Variants in DHX35 observed in about 807,000 individuals in gnomAD.
DHX35 encodes the protein probable ATP-dependent RNA helicase DHX35.
DHX35 carries 84 observed loss-of-function variants against 99.6 expected under a neutral mutation model. The observed-to-expected ratio is 0.84, with a 90% confidence interval of 0.71 to 1.01. The LOEUF is 1.01. Among genes scored for constraint, DHX35 ranks in the 50% least tolerant of loss-of-function variants. The pLI is 0.00. For synonymous variants in DHX35, 331 were observed against 316.2 expected, an observed-to-expected ratio of 1.05 and a Z score of -0.50; for missense variants, 852 against 888.5, an observed-to-expected ratio of 0.96 and a Z score of 0.52.
intron 3 of DHX35, chr20:38,977,732 A>T: frequency 2.5e-6 from 1 of 404,106 alleles, no homozygotes; most frequent in Middle Eastern, 8.0e-4. Context: ...TTTTTGCTTT[A>T]GTGTTTTCTA....
At chr20:38,968,971 TA>T in intron 1 of DHX35, 109 bp from the exon 2 acceptor site, 1 of 1,280,508 alleles carries the variant, frequency 7.8e-7, no homozygotes, top group Non-Finnish European at 1.0e-6. Context: ...TAGTTTGAGA[TA>T]AAAAGTATTG....
At chr20:38,976,790 GTTCTA>G (rs2145846161) in intron 3 of DHX35, among the ~76,000 whole-genome samples, 1 of 152,210 alleles carries the variant, frequency 6.6e-6, no homozygotes, top group South Asian at 2.1e-4. Context: ...AGTATCCACT[GTTCTA>G]TTCTCTACTT....
At chr20:38,969,015 A>G (rs2085952438) in intron 1 of DHX35, 66 bp from the exon 2 acceptor site, 2 of 1,483,420 alleles carry the variant, frequency 1.3e-6, no homozygotes, top group Non-Finnish European at 1.8e-6. Flanking sequence ...TTGAAAGTTT[A>G]TAAACTTAAC....
intron 2 of DHX35, 31 bp downstream of exon 2, chr20:38,969,245 G>A: frequency 6.3e-7 from 1 of 1,588,034 alleles, no homozygotes. Flanking sequence ...CAACCTGTGG[G>A]CTTGAATCGT....
At chr20:39,000,216 C>T (rs541047796) in intron 8 of DHX35, among the ~76,000 whole-genome samples, 1 of 152,346 alleles carries the variant, frequency 6.6e-6, no homozygotes, top group Non-Finnish European at 1.5e-5. Context: ...GAAGCTCTCC[C>T]TGAAAGCCGG....
chr20:38,970,643 A>G (rs764089854), intron 2 of DHX35, among the ~76,000 whole-genome samples: 1 of 152,216 alleles, frequency 6.6e-6, no homozygotes, highest in African/African-American at 2.4e-5. Context: ...ATGTAGGACT[A>G]CAGGAGCACC....
chr20:39,027,928 C>T (rs75944237), intron 18 of DHX35, among the ~76,000 whole-genome samples: 1,860 of 152,268 alleles, frequency 0.012, 47 homozygotes, highest in African/African-American at 0.043. Context: ...ATAGAAACAC[C>T]AGTTAAAATG....
At chr20:39,013,090 T>C (rs1014010814) in intron 13 of DHX35, among the ~76,000 whole-genome samples, 2 of 151,598 alleles carry the variant, frequency 1.3e-5, no homozygotes, top group Non-Finnish European at 2.9e-5. Flanking sequence ...AAAATATAAA[T>C]AATGAAAATT....
chr20:38,966,783 A>AT (rs2085918324), intron 1 of DHX35, among the ~76,000 whole-genome samples: 1 of 152,240 alleles, frequency 6.6e-6, no homozygotes, highest in Non-Finnish European at 1.5e-5. Context: ...AAGGTTTAAA[A>AT]CATGATTTGA....
At chr20:39,019,523 T>TA (rs2086839742) in intron 15 of DHX35, among the ~76,000 whole-genome samples, 4 of 152,332 alleles carry the variant, frequency 2.6e-5, no homozygotes, top group African/African-American at 9.6e-5. Flanking sequence ...ATTGGGTATA[T>TA]AGCCAGAAGT....
rs761412979 is a variant in DHX35, at chr20:39,028,403, T to C, written c.1802-15T>C. ...GCAAGGGTTTCACCCGCCTCTCTGT[T>C]GGCTGCCTATGTAGGTGACCCGGAT... On this transcript the variant is annotated splice_polypyrimidine_tract_variant and intron_variant, in intron 18 of 21. Transcript: ENST00000252011. 3 of 1,614,122 alleles carry C rather than the reference T, an allele frequency of 1.9e-6. No homozygotes were observed. In the South Asian group the frequency reaches 3.3e-5, roughly 18 times the overall value.
chr20:39,029,242 A>G (rs2087006075), intron 19 of DHX35: 2 of 152,140 alleles, frequency 1.3e-5, no homozygotes, highest in Admixed American at 1.3e-4. Flanking sequence ...CTTTAATAAG[A>G]GAACACTCCA....
At chr20:38,991,397 C>A in intron 5 of DHX35, 57 bp from the exon 6 acceptor site, 1 of 1,500,754 alleles carries the variant, frequency 6.7e-7, no homozygotes, top group Non-Finnish European at 9.1e-7. Context: ...TTAAAAAATA[C>A]CATTAATATG....
intron 1 of DHX35, chr20:38,962,748 G>C (rs1020043303): frequency 4.9e-5 from 16 of 326,850 alleles, no homozygotes; most frequent in Non-Finnish European, 7.4e-5. Context: ...CTGGGGTTGC[G>C]CTGTGGCCCG....
At position 39,030,751 on chromosome 20, in the gene DHX35, T is replaced by G; in HGVS notation, c.1931T>G (p.Leu644Arg). The change falls in exon 20 of 22, where the codon CTC becomes CGC. Residue 644 changes from leucine to arginine, a missense_variant. By Grantham distance (102) the Leu-to-Arg change is moderately radical. Transcript: ENST00000252011. The part of the protein sequence containing the change: ...HELHIHPASV[L>R]YAEKPPRWVI... ...CTGCACATACACCCTGCGTCAGTCC[T>G]CTATGCAGAGAAGCCGCCTCGCTGG... is the stretch of plus-strand genomic sequence containing the variant. 6.2e-7 allele frequency: 1 copy of G among 1,614,172 alleles called. No homozygotes were observed. Among genetic ancestry groups the G allele is most frequent in the Non-Finnish European group, 8.5e-7 (1 of 1,180,030 alleles).
chr20:38,992,684 T>G (rs2086359388), intron 7 of DHX35, among the ~76,000 whole-genome samples: 1 of 152,140 alleles, frequency 6.6e-6, no homozygotes, highest in Non-Finnish European at 1.5e-5. Context: ...TTGAATTATA[T>G]ATACTAATTT....
At chr20:39,026,615 G>A (rs2086961832) in intron 18 of DHX35, among the ~76,000 whole-genome samples, 1 of 152,184 alleles carries the variant, frequency 6.6e-6, no homozygotes, top group African/African-American at 2.4e-5. Flanking sequence ...CTTCCTTGAG[G>A]TGTGGTGGGA....
chr20:38,994,583 C>T (rs1006648641), intron 7 of DHX35, among the ~76,000 whole-genome samples: 9 of 148,104 alleles, frequency 6.1e-5, no homozygotes, highest in Admixed American at 3.4e-4. Context: ...AAAAAATTTA[C>T]TTTGGAAAAT....
intron 4 of DHX35, among the ~76,000 whole-genome samples, chr20:38,986,808 C>T (rs749567568): frequency 6.6e-6 from 1 of 152,194 alleles, no homozygotes; most frequent in Non-Finnish European, 1.5e-5. Flanking sequence ...ATGATATAGA[C>T]CAGCTGCCAG....
Sources: gnomAD v4.1 joint callset for allele counts (sites outside exome capture counted in the v4.1 genomes callset) on GRCh38, gnomAD v4.1.1 for gene constraint, MANE v1.5 for transcripts, NCBI Gene and HGNC (gene_info 2026-07-23, HGNC 2026-07-21) for gene names.